Variants in AFG1L observed in about 807,000 individuals in gnomAD.
AFG1L encodes the protein AFG1 like ATPase.
In AFG1L, 53 loss-of-function variants were observed where a neutral mutation model predicts 62.2. The observed-to-expected ratio is 0.85, with a 90% CI of 0.68 to 1.07. AFG1L has a LOEUF of 1.07. AFG1L is among the 50% of genes least tolerant of loss of function. The pLI, the probability that AFG1L is intolerant of heterozygous loss-of-function variation, is 0.00. For synonymous variants in AFG1L, 228 were observed against 210.3 expected (o/e 1.08, Z -0.73); for missense variants, 555 against 590.5 (o/e 0.94, Z 0.62).
chr6:108,341,381 G>A (rs141137460), intron 2 of AFG1L, among the ~76,000 whole-genome samples: 235 of 152,308 alleles, frequency 1.5e-3, no homozygotes, highest in African/African-American at 4.7e-3. Context: ...AGAGGGATGT[G>A]TCAAAGGGTG....
chr6:108,399,174 GTTTGTTTT>G (rs1781444952), intron 6 of AFG1L, among the ~76,000 whole-genome samples: 1 of 51,414 alleles, frequency 1.9e-5, no homozygotes, highest in African/African-American at 8.4e-5. Context: ...CACTTCTTTT[GTTTGTTTT>G]TTTTTTTTTT....
At chr6:108,471,229 T>C (rs902163239) in intron 8 of AFG1L, among the ~76,000 whole-genome samples, 2 of 152,156 alleles carry the variant, frequency 1.3e-5, no homozygotes, top group African/African-American at 4.8e-5. Context: ...AAATAATTAA[T>C]GAGAACATAA....
chr6:108,519,549 A>C, intron 11 of AFG1L, 148 bp from the exon 12 acceptor site: 1 of 559,304 alleles, frequency 1.8e-6, no homozygotes, highest in Non-Finnish European at 3.2e-6. Context: ...TAAAGAGATA[A>C]ACAATTAGGG....
At chr6:108,313,440 G>A (rs896067073) in intron 1 of AFG1L, among the ~76,000 whole-genome samples, 8 of 152,274 alleles carry the variant, frequency 5.3e-5, no homozygotes, top group African/African-American at 1.9e-4. Flanking sequence ...ACTCAGTAAA[G>A]GTTAACAATT....
intron 8 of AFG1L, among the ~76,000 whole-genome samples, chr6:108,451,039 A>G (rs1448693253): frequency 6.6e-6 from 1 of 152,118 alleles, no homozygotes; most frequent in African/African-American, 2.4e-5. Context: ...TCTGTTTATT[A>G]CCATCTGGCC....
intron 11 of AFG1L, among the ~76,000 whole-genome samples, chr6:108,518,883 C>G (rs998863739): frequency 3.9e-5 from 6 of 152,230 alleles, no homozygotes; most frequent in Non-Finnish European, 4.4e-5. Flanking sequence ...ACTTAGCAGT[C>G]TGCTGTGCAG....
At chr6:108,501,503 A>G (rs142385884) in intron 10 of AFG1L, among the ~76,000 whole-genome samples, 5 of 152,314 alleles carry the variant, frequency 3.3e-5, no homozygotes, top group African/African-American at 1.2e-4. Context: ...GGATTAATAA[A>G]CAAACATGTA....
At chr6:108,432,542 C>G (rs1023472573) in intron 7 of AFG1L, among the ~76,000 whole-genome samples, 6 of 152,178 alleles carry the variant, frequency 3.9e-5, no homozygotes, top group African/African-American at 1.4e-4. Context: ...CAATCTCTAC[C>G]TCTATGGTTC....
In AFG1L at chr6:108,307,412, ATT is replaced by A. The variant is rs5878975; in HGVS notation, c.139+12208_139+12209del. On this transcript the variant is annotated intron_variant, in intron 1 of 12. Transcript: ENST00000368977. ...TTAACTTTAATTTTTCTTTCATCTT[ATT>A]TTTTTTTTTTTTTGGAAACAGGGTT... 3.4e-3 allele frequency among the ~76,000 whole-genome samples: 462 copies of A among 136,534 alleles called. 1 individual carries two copies. Among genetic ancestry groups the A allele is most frequent in the African/African-American group, 8.5e-3 (312 of 36,750 alleles). 89.6% of individuals were successfully genotyped at this position (136,534 alleles called of 152,430 possible). A position where few individuals can be genotyped will look rare whatever the true frequency, so the allele number is the denominator to read the frequency against.
intron 7 of AFG1L, among the ~76,000 whole-genome samples, chr6:108,417,361 G>A (rs973785850): frequency 6.6e-6 from 1 of 151,612 alleles, no homozygotes; most frequent in Non-Finnish European, 1.5e-5. Flanking sequence ...GGAGGAGGTA[G>A]CACATGTCAG....
At chr6:108,417,256 ACACAGACACG>A (rs1770344077) in intron 7 of AFG1L, among the ~76,000 whole-genome samples, 1 of 102,016 alleles carries the variant, frequency 9.8e-6, no homozygotes, top group Non-Finnish European at 1.9e-5. Context: ...ACACACACAC[ACACAGACACG>A]CACACACACA....
intron 5 of AFG1L, among the ~76,000 whole-genome samples, chr6:108,358,164 T>C (rs1044090754): frequency 1.3e-5 from 2 of 152,206 alleles, no homozygotes; most frequent in Non-Finnish European, 2.9e-5. Flanking sequence ...TTAACAGTTA[T>C]GCTGCTTTCA....
intron 8 of AFG1L, among the ~76,000 whole-genome samples, chr6:108,455,939 T>C (rs751526617): frequency 2.6e-5 from 4 of 152,166 alleles, no homozygotes; most frequent in African/African-American, 4.8e-5. Context: ...TTAAAGGCCA[T>C]TGGGTCAAGT....
chr6:108,295,289 C>T (rs1776721562), intron 1 of AFG1L, 71 bp downstream of exon 1: 4 of 1,499,060 alleles, frequency 2.7e-6, no homozygotes, highest in East Asian at 4.5e-5. Flanking sequence ...ATTACCCTCC[C>T]TGTCCGATCT....
intron 3 of AFG1L, among the ~76,000 whole-genome samples, chr6:108,347,789 T>C (rs1327509296): frequency 6.6e-6 from 1 of 152,204 alleles, no homozygotes; most frequent in Non-Finnish European, 1.5e-5. Context: ...TTTGCCTCCT[T>C]GCTTTCAATT....
In AFG1L at chr6:108,493,914, G is replaced by A. The variant is rs1582662075; in HGVS notation, c.1063-16298G>A. ...TGCAGTGGCATGATCTCAGCTCACT[G>A]CAACCTCCGCCCTTCAGGTTCAAGC... On this transcript the variant is annotated intron_variant, in intron 10 of 12. Coordinates refer to ENST00000368977, the MANE Select transcript of AFG1L (RefSeq NM_145315.5). 2.0e-5 allele frequency among the ~76,000 whole-genome samples: 3 copies of A among 152,078 alleles called. No individual in the cohort carries two copies. The South Asian group carries it at 6.2e-4, about 32-fold the overall frequency.
intron 2 of AFG1L, among the ~76,000 whole-genome samples, chr6:108,330,200 C>T (rs1398097905): frequency 4.4e-5 from 4 of 91,094 alleles, no homozygotes; most frequent in South Asian, 3.1e-4. Flanking sequence ...TTTTTTTTTG[C>T]GACTGAGTCT....
chr6:108,307,760 T>A (rs182665375), intron 1 of AFG1L, among the ~76,000 whole-genome samples: 12 of 152,340 alleles, frequency 7.9e-5, no homozygotes, highest in East Asian at 3.9e-4. Flanking sequence ...CAAGGCCAGT[T>A]TTCTAAAATG....
chr6:108,315,623 C>T (rs1278539485), intron 1 of AFG1L, among the ~76,000 whole-genome samples: 1 of 152,002 alleles, frequency 6.6e-6, no homozygotes, highest in Non-Finnish European at 1.5e-5. Flanking sequence ...CTTTGTTGCC[C>T]AGGCTGGAGT....
Sources: gnomAD v4.1 joint callset for allele counts (sites outside exome capture counted in the v4.1 genomes callset) on GRCh38, gnomAD v4.1.1 for gene constraint, MANE v1.5 for transcripts, NCBI Gene and HGNC (gene_info 2026-07-23, HGNC 2026-07-21) for gene names.